The following CCDC141 variants were observed in gnomAD, a reference collection of about 807,000 sequenced individuals.
CCDC141 encodes coiled-coil domain-containing protein 141.
CCDC141 carries 168 observed loss-of-function variants against 181.0 expected under a neutral mutation model. The ratio of observed to expected loss-of-function variants is 0.93; its 90% CI spans 0.82 to 1.05. The LOEUF is 1.05. Among genes scored for constraint, CCDC141 ranks in the 50% least tolerant of loss-of-function variants. CCDC141 has a pLI of 0.00. For synonymous variants in CCDC141, 666 were observed against 642.3 expected (o/e 1.04, Z -0.56); for missense variants, 1,902 against 1,788.5 (o/e 1.06, Z -1.14).
At chr2:178,980,995 T>C (rs1691359510) in intron 2 of CCDC141, among the ~76,000 whole-genome samples, 1 of 152,184 alleles carries the variant, frequency 6.6e-6, no homozygotes, top group East Asian at 1.9e-4. Context: ...GGAATATTAT[T>C]TGAGACTAAG....
rs756279402 is a variant in CCDC141, at chr2:179,047,407, C to G, written c.103-1G>C. ...GTTGAAGTTGTACCCATTTGCCACA[C>G]TAAAAATAAAAATTAAATAAAATGC... On this transcript the variant is annotated splice_acceptor_variant, in intron 1 of 23. Transcript: ENST00000443758. LOFTEE classifies it high-confidence loss of function. 2 of 1,499,748 alleles carry G rather than the reference C, an allele frequency of 1.3e-6. No individual in the cohort carries two copies. The highest frequency in any genetic ancestry group is 1.4e-5 in the African/African-American group (1 of 70,510). The allele number at this position is 1,499,748 out of a possible 1,614,324, so 92.9% of individuals were successfully genotyped here.
intron 4 of CCDC141, among the ~76,000 whole-genome samples, chr2:178,964,970 T>C (rs1334556127): frequency 1.3e-5 from 2 of 152,346 alleles, no homozygotes; most frequent in East Asian, 3.9e-4. Context: ...GTTCATAAAA[T>C]ACATCATATT....
chr2:179,024,931 C>T (rs74354604), intron 2 of CCDC141, among the ~76,000 whole-genome samples: 5,085 of 152,196 alleles, frequency 0.033, 97 homozygotes, highest in South Asian at 0.058. Context: ...CATACAGGCA[C>T]TCCAGCCTTT....
chr2:179,032,494 T>C (rs77363493), intron 2 of CCDC141, among the ~76,000 whole-genome samples: 1,967 of 152,258 alleles, frequency 0.013, 40 homozygotes, highest in African/African-American at 0.045. Context: ...AAGAGAGGGC[T>C]TTTCTGGAAC....
chr2:178,981,390 G>A (rs978707353), intron 2 of CCDC141, among the ~76,000 whole-genome samples: 22 of 119,876 alleles, frequency 1.8e-4, no homozygotes, highest in African/African-American at 5.3e-4. Context: ...GAAATCATAC[G>A]AATATACTCT....
chr2:179,015,253 CTCATATATA>C (rs563454258), intron 2 of CCDC141, among the ~76,000 whole-genome samples: 1 of 130,918 alleles, frequency 7.6e-6, no homozygotes, highest in Non-Finnish European at 1.6e-5. Context: ...TCATATATAT[CTCATATATA>C]TCATATATAT....
intron 1 of CCDC141, among the ~76,000 whole-genome samples, chr2:179,049,459 A>G (rs1016867945): frequency 6.6e-6 from 1 of 152,120 alleles, no homozygotes; most frequent in African/African-American, 2.4e-5. Flanking sequence ...CAAAAATCAC[A>G]AGCATTCCAC....
At chr2:178,816,284 T>C in the CCDC141 span, among the ~76,000 whole-genome samples, 10 of 152,220 alleles carry the variant, frequency 6.6e-5, no homozygotes, top group Non-Finnish European at 1.2e-4. Context: ...ACCATATAGT[T>C]GGAGTCATAC....
At position 178,837,088 on chromosome 2, in the gene CCDC141, G is replaced by C. The variant is rs147129507; in HGVS notation, c.4131C>G (p.Gly1377=). Residue 1377 remains glycine (G), a synonymous_variant, in exon 23 of 24, where the codon GGC becomes GGG. Transcript: ENST00000443758. The part of the protein sequence containing the change: ...DAFSGLRFQS[G]TSRGYQRQMV... ...TTTGCCTCTGATAGCCCCTGCTGGT[G>C]CCTGATTGAAACCTGAGGCCCGAGA... The C allele has an allele frequency of 1.2e-6, 2 of 1,613,846 alleles. No individual in the cohort carries two copies. Among genetic ancestry groups the C allele is most frequent in the Non-Finnish European group, 1.7e-6 (2 of 1,179,964 alleles).
intron 8 of CCDC141, among the ~76,000 whole-genome samples, chr2:178,895,220 G>A (rs773022021): frequency 1.3e-5 from 2 of 152,156 alleles, no homozygotes; most frequent in Non-Finnish European, 2.9e-5. Flanking sequence ...ATATTTAGCT[G>A]GTTTTCGGGT....
chr2:178,998,877 G>C (rs1256362458), intron 2 of CCDC141, among the ~76,000 whole-genome samples: 1 of 152,028 alleles, frequency 6.6e-6, no homozygotes, highest in Non-Finnish European at 1.5e-5. Flanking sequence ...ACTTACTCCA[G>C]AAATGTTAAT....
chr2:178,991,849 T>C (rs913819579), intron 2 of CCDC141, among the ~76,000 whole-genome samples: 3 of 151,876 alleles, frequency 2.0e-5, no homozygotes, highest in Non-Finnish European at 4.4e-5. Context: ...CATAATTATA[T>C]AATATTAAGA....
Position 179,047,321 on chromosome 2 carries a change from A to G in CCDC141, c.188T>C (p.Leu63Pro). ...CAAAAGAAGTTCATGATCATGAAGAAGTTTTTTGGTTTCATCTTGACTGCT... is the reference window on the plus strand; with the variant it reads ...CAAAAGAAGTTCATGATCATGAAGAGGTTTTTTGGTTTCATCTTGACTGCT... Reference protein sequence around the residue: ...IGSSQDETKKLLHDHELLLAK... With the variant: ...IGSSQDETKKPLHDHELLLAK... Residue 63 changes from leucine (L) to proline (P), a missense_variant, in exon 2 of 24, where the codon CTT becomes CCT. Coordinates refer to ENST00000443758, the MANE Select transcript of CCDC141 (RefSeq NM_173648.4). 1 of 1,544,070 alleles carries G rather than the reference A, an allele frequency of 6.5e-7. No individual in the cohort carries two copies. Among genetic ancestry groups the G allele is most frequent in the Admixed American group, 2.0e-5 (1 of 48,814 alleles).
chr2:178,896,468 A>G (rs998232603), intron 8 of CCDC141, among the ~76,000 whole-genome samples: 2 of 152,214 alleles, frequency 1.3e-5, no homozygotes, highest in Non-Finnish European at 2.9e-5. Context: ...ATGCCATATA[A>G]GATGCTCATA....
intron 2 of CCDC141, among the ~76,000 whole-genome samples, chr2:178,985,060 T>C (rs1379223029): frequency 6.6e-6 from 1 of 151,314 alleles, no homozygotes; most frequent in Admixed American, 6.6e-5. Flanking sequence ...GACCACATAC[T>C]TGGAAGTAAA....
intron 7 of CCDC141, among the ~76,000 whole-genome samples, chr2:178,906,353 AAAG>A (rs760697157): frequency 6.6e-6 from 1 of 152,216 alleles, no homozygotes; most frequent in Non-Finnish European, 1.5e-5. Context: ...AAAGGCAATG[AAAG>A]AATACTGTGG....
At chr2:178,921,781 C>G (rs562655010) in intron 6 of CCDC141, among the ~76,000 whole-genome samples, 2 of 152,188 alleles carry the variant, frequency 1.3e-5, no homozygotes, top group African/African-American at 2.4e-5. Context: ...TCACCAGCTC[C>G]CACAAGTCTT....
rs71393439 is a variant in CCDC141, at chr2:178,868,608, CAAAAAAAAA to C, written c.2395-412_2395-404del. ...TCCATGATGTCAGGTACTTGAAGTG[CAAAAAAAAA>C]AAAAAAAAAAATCTAACTTGGTTTT... On this transcript the variant is annotated intron_variant, in intron 15 of 23. Transcript: ENST00000443758. Among the ~76,000 whole-genome samples the C allele has an allele frequency of 4.8e-3, 414 of 85,564 alleles. 5 individuals are homozygous for C. Among genetic ancestry groups the C allele is most frequent in the African/African-American group, 0.019 (388 of 20,136 alleles). 56.1% of individuals were successfully genotyped at this position (85,564 alleles called of 152,430 possible).
intron 17 of CCDC141, among the ~76,000 whole-genome samples, chr2:178,863,317 T>C (rs556441081): frequency 3.3e-5 from 5 of 152,344 alleles, no homozygotes; most frequent in Middle Eastern, 6.8e-3. Context: ...CTAACAGTAC[T>C]TTAAGCACAT....
Sources: gnomAD v4.1 joint callset for allele counts (sites outside exome capture counted in the v4.1 genomes callset) on GRCh38, gnomAD v4.1.1 for gene constraint, MANE v1.5 for transcripts, NCBI Gene and HGNC (gene_info 2026-07-23, HGNC 2026-07-21) for gene names.